DAB1: variants seen among roughly 807,000 people sequenced by gnomAD.
DAB1 encodes the protein disabled homolog 1.
In DAB1, 15 loss-of-function variants were observed where a neutral mutation model predicts 64.6. The ratio of observed to expected loss-of-function variants is 0.23; its 90% CI spans 0.16 to 0.36. The LOEUF (loss-of-function observed/expected upper bound fraction) is 0.36, where lower values mean the gene tolerates loss of function less well. DAB1 is among the 10% of genes least tolerant of loss of function. DAB1 has a pLI of 1.00. For missense variants in DAB1, 596 were observed against 706.7 expected (o/e 0.84, Z 1.78); for synonymous variants, 235 against 251.9 (o/e 0.93, Z 0.64).
At chr1:57,179,918 T>A (rs1662733928) in intron 2 of DAB1, among the ~76,000 whole-genome samples, 1 of 152,170 alleles carries the variant, frequency 6.6e-6, no homozygotes, top group Non-Finnish European at 1.5e-5. Context: ...TTTCACAAAC[T>A]AGTTCTGGTG....
At chr1:58,117,770 A>G (rs1414621828) in intron 5 of DAB1, among the ~76,000 whole-genome samples, 1 of 152,298 alleles carries the variant, frequency 6.6e-6, no homozygotes, top group South Asian at 2.1e-4. Context: ...AATTGAGTCA[A>G]TAAAGGATAG....
At chr1:57,351,387 A>G (rs1481592168) in intron 1 of DAB1, among the ~76,000 whole-genome samples, 1 of 152,162 alleles carries the variant, frequency 6.6e-6, no homozygotes, top group African/African-American at 2.4e-5. Flanking sequence ...TTCGACCTTC[A>G]CAGGGCTGTA....
intron 5 of DAB1, among the ~76,000 whole-genome samples, chr1:57,891,568 T>C (rs1442601958): frequency 6.6e-6 from 1 of 152,192 alleles, no homozygotes; most frequent in East Asian, 1.9e-4. Flanking sequence ...CGTATGTTTA[T>C]TGTGGCACTA....
At chr1:57,699,314 C>A (rs1646881145) in intron 6 of DAB1, among the ~76,000 whole-genome samples, 1 of 152,160 alleles carries the variant, frequency 6.6e-6, no homozygotes, top group South Asian at 2.1e-4. Context: ...GGTTATTCTT[C>A]TTATCCTTAC....
At chr1:57,675,255 C>T (rs1468530445) in intron 6 of DAB1, among the ~76,000 whole-genome samples, 1 of 152,152 alleles carries the variant, frequency 6.6e-6, no homozygotes. Flanking sequence ...TCAAGCCTAA[C>T]TAATTTACCT....
intron 1 of DAB1, among the ~76,000 whole-genome samples, chr1:57,391,152 G>A (rs910046215): frequency 6.6e-6 from 1 of 152,124 alleles, no homozygotes; most frequent in African/African-American, 2.4e-5. Flanking sequence ...CTAACTCCAT[G>A]TTTTTGGTTC....
chr1:57,212,744 G>T (rs1410068930), intron 2 of DAB1, among the ~76,000 whole-genome samples: 1 of 152,084 alleles, frequency 6.6e-6, no homozygotes, highest in African/African-American at 2.4e-5. Flanking sequence ...CTATGAAATA[G>T]GTAGGGTTTT....
intron 5 of DAB1, among the ~76,000 whole-genome samples, chr1:57,944,728 C>CAT (rs1292945507): frequency 7.2e-5 from 11 of 152,290 alleles, no homozygotes; most frequent in East Asian, 3.9e-4. Context: ...CACATACACA[C>CAT]ATATATAACC....
chr1:57,825,229 A>G (rs1215088370), downstream of DAB1, among the ~76,000 whole-genome samples: 1 of 152,230 alleles, frequency 6.6e-6, no homozygotes. Context: ...TAGCTTGCTC[A>G]GAAAGAAAGC....
intron 3 of DAB1, among the ~76,000 whole-genome samples, chr1:58,485,141 G>A (rs914560603): frequency 2.7e-5 from 4 of 149,854 alleles, no homozygotes; most frequent in Non-Finnish European, 5.9e-5. Flanking sequence ...GTGAGTATGC[G>A]GGGACAGATG....
At chr1:58,169,257 G>A (rs186620655) in intron 4 of DAB1, among the ~76,000 whole-genome samples, 5 of 152,210 alleles carry the variant, frequency 3.3e-5, no homozygotes, top group African/African-American at 4.8e-5. Context: ...AGGGTCCAGG[G>A]ACCATTGTGG....
chr1:57,948,319 T>G (rs1362618284), intron 5 of DAB1, among the ~76,000 whole-genome samples: 1 of 152,232 alleles, frequency 6.6e-6, no homozygotes, highest in Non-Finnish European at 1.5e-5. Context: ...TTTTCTCAGC[T>G]TAGCAAGGTT....
In DAB1 at chr1:58,453,429, C is replaced by T. The variant is rs78145362; in HGVS notation, n.257+52631G>A. Among the ~76,000 whole-genome samples the T allele has an allele frequency of 1.8e-3, 270 of 152,274 alleles. 2 individuals carry two copies. The highest frequency in any genetic ancestry group is 6.3e-3 in the African/African-American group (261 of 41,540). ...AATGGTGAATGGCTATATTCCTACT[C>T]GCGAGTCTTTGCTCACACTGTCCCA... is the stretch of plus-strand genomic sequence containing the variant. On this transcript the variant is annotated intron_variant and non_coding_transcript_variant, in intron 3 of 20. Coordinates refer to the DAB1 transcript ENST00000485760.
At chr1:57,356,418 C>A (rs1002354493) in intron 1 of DAB1, among the ~76,000 whole-genome samples, 4 of 152,058 alleles carry the variant, frequency 2.6e-5, no homozygotes, top group African/African-American at 9.7e-5. Flanking sequence ...TAGAGCAAGT[C>A]CTCAATAAAC....
At chr1:58,312,467 G>T (rs550193853) in intron 4 of DAB1, among the ~76,000 whole-genome samples, 27 of 152,286 alleles carry the variant, frequency 1.8e-4, no homozygotes, top group Non-Finnish European at 3.5e-4. Flanking sequence ...AAAAGCTTAG[G>T]AAGAACTGAG....
At chr1:57,333,575 A>T (rs1676853013) in intron 1 of DAB1, among the ~76,000 whole-genome samples, 1 of 152,240 alleles carries the variant, frequency 6.6e-6, no homozygotes, top group Non-Finnish European at 1.5e-5. Flanking sequence ...CAACCAATTG[A>T]CAAAGATAAG....
At chr1:57,130,402 C>G (rs752784301) in intron 4 of DAB1, among the ~76,000 whole-genome samples, 2 of 152,142 alleles carry the variant, frequency 1.3e-5, no homozygotes, top group African/African-American at 2.4e-5. Flanking sequence ...AGAAATCCCA[C>G]TACTGCGTAC....
intron 5 of DAB1, among the ~76,000 whole-genome samples, chr1:58,079,515 CTTTTT>C (rs66960756): frequency 1.8e-4 from 12 of 67,840 alleles, no homozygotes; most frequent in African/African-American, 6.3e-4. Context: ...AGCATACCAT[CTTTTT>C]TTTTTTTTTT....
At chr1:58,422,949 A>G (rs1644786535) in intron 3 of DAB1, among the ~76,000 whole-genome samples, 1 of 152,184 alleles carries the variant, frequency 6.6e-6, no homozygotes, top group South Asian at 2.1e-4. Flanking sequence ...TAGAACCCCA[A>G]TTGCAAGAGA....
Sources: gnomAD v4.1 joint callset for allele counts (sites outside exome capture counted in the v4.1 genomes callset) on GRCh38, gnomAD v4.1.1 for gene constraint, MANE v1.5 for transcripts, NCBI Gene and HGNC (gene_info 2026-07-23, HGNC 2026-07-21) for gene names.